DLGAP1: variants seen among roughly 807,000 people sequenced by gnomAD.
DLGAP1 encodes the protein DLG associated protein 1.
Under a neutral mutation model 90.8 loss-of-function variants are expected in DLGAP1, and 11 were observed. That is an observed-to-expected ratio of 0.12 (90% CI 0.08 to 0.20). The LOEUF is 0.20. DLGAP1 is among the 10% of genes least tolerant of loss of function. The pLI, the probability that DLGAP1 is intolerant of heterozygous loss-of-function variation, is 1.00. For synonymous variants in DLGAP1, 558 were observed against 540.7 expected, an observed-to-expected ratio of 1.03 and a Z score of -0.44; for missense variants, 1,050 against 1,333.8, an observed-to-expected ratio of 0.79 and a Z score of 3.31.
At chr18:4,382,691 A>G (rs900975940) in intron 1 of DLGAP1, among the ~76,000 whole-genome samples, 2 of 152,154 alleles carry the variant, frequency 1.3e-5, no homozygotes, top group Admixed American at 1.3e-4. Flanking sequence ...AAAGATAGGA[A>G]TGCTAATTCA....
At chr18:4,024,142 C>G (rs539652395) in intron 2 of DLGAP1, among the ~76,000 whole-genome samples, 90 of 152,188 alleles carry the variant, frequency 5.9e-4, no homozygotes, top group Non-Finnish European at 1.1e-3. Flanking sequence ...AAACTCCTCT[C>G]TTTGGTAATC....
intron 2 of DLGAP1, among the ~76,000 whole-genome samples, chr18:4,129,808 T>C (rs1440521112): frequency 6.6e-6 from 1 of 152,162 alleles, no homozygotes; most frequent in Non-Finnish European, 1.5e-5. Context: ...CTTGCTAAAA[T>C]AGTTAATTTG....
intron 3 of DLGAP1, among the ~76,000 whole-genome samples, chr18:3,895,280 TAC>T (rs35493688): frequency 0.081 from 11,102 of 137,040 alleles, 425 homozygotes; most frequent in Non-Finnish European, 0.09. Flanking sequence ...GGATGTTTAT[TAC>T]ACACACACAC....
chr18:4,259,355 C>A (rs1347383197), intron 1 of DLGAP1, among the ~76,000 whole-genome samples: 1 of 152,172 alleles, frequency 6.6e-6, no homozygotes, highest in Non-Finnish European at 1.5e-5. Context: ...AATAACTCCT[C>A]AAAAAGTCAT....
chr18:3,845,363 G>T, intron 4 of DLGAP1: 1 of 1,536,734 alleles, frequency 6.5e-7, no homozygotes. Flanking sequence ...CTAAGTGGTT[G>T]AGTGAGGCAG....
At chr18:3,659,415 A>ACACC in intron 7 of DLGAP1, among the ~76,000 whole-genome samples, 1 of 144,000 alleles carries the variant, frequency 6.9e-6, no homozygotes, top group African/African-American at 2.8e-5. Context: ...ACACACACAC[A>ACACC]CACACACACA....
chr18:3,721,325 G>T (rs1310295128), intron 7 of DLGAP1, among the ~76,000 whole-genome samples: 1 of 152,070 alleles, frequency 6.6e-6, no homozygotes, highest in Non-Finnish European at 1.5e-5. Context: ...CTTAATTTAC[G>T]CATGAGTTGG....
At chr18:4,035,643 CG>C (rs1728215339) in intron 2 of DLGAP1, among the ~76,000 whole-genome samples, 1 of 152,064 alleles carries the variant, frequency 6.6e-6, no homozygotes, top group Non-Finnish European at 1.5e-5. Flanking sequence ...GAAATAAATC[CG>C]TTGAGCTCAG....
At chr18:4,322,919 C>T (rs1167349906) in intron 1 of DLGAP1, among the ~76,000 whole-genome samples, 2 of 136,112 alleles carry the variant, frequency 1.5e-5, no homozygotes, top group Non-Finnish European at 3.0e-5. Flanking sequence ...TGAGTTTGTG[C>T]CACTGCACTC....
chr18:4,268,302 T>C (rs1343343546), intron 1 of DLGAP1, among the ~76,000 whole-genome samples: 3 of 152,178 alleles, frequency 2.0e-5, no homozygotes, highest in Non-Finnish European at 4.4e-5. Context: ...TTTTTGGAAA[T>C]TTCAAAAAGG....
chr18:4,293,205 A>G (rs1030815854), intron 1 of DLGAP1: 2 of 152,250 alleles, frequency 1.3e-5, no homozygotes, highest in Admixed American at 6.5e-5. Flanking sequence ...TCCGGTTCCA[A>G]TAATGAAGAA....
chr18:3,544,718 CT>C (rs2052910435), intron 9 of DLGAP1, among the ~76,000 whole-genome samples: 1 of 83,174 alleles, frequency 1.2e-5, no homozygotes, highest in Admixed American at 1.4e-4. Context: ...GTGTACTTTG[CT>C]TTTATTTATT....
In DLGAP1 at chr18:4,030,575, T is replaced by G. The variant is rs111307647; in HGVS notation, c.-158-25374A>C. On this transcript the variant is annotated intron_variant, in intron 2 of 12. Coordinates refer to ENST00000315677, the MANE Select transcript of DLGAP1 (RefSeq NM_004746.4). The stretch of plus-strand genomic sequence containing the variant: ...CTCTTGTTTTGGATTGAGTGAAGGT[T>G]GCCAAGTGGAGGTAGCTAGTTGGAA... Among the ~76,000 whole-genome samples the G allele has an allele frequency of 1.5e-4, 23 of 152,210 alleles. No homozygotes were observed. The South Asian group carries it at 1.7e-3, about 11-fold the overall frequency.
rs941178756 is a variant in DLGAP1 at position 3,637,948 on chromosome 18, T to A, written c.1592-55700A>T. Among the ~76,000 whole-genome samples, 7 of 143,410 alleles carry A rather than the reference T, an allele frequency of 4.9e-5. 1 individual carries two copies. In the South Asian group the frequency reaches 1.6e-3, roughly 32 times the overall value. 94.1% of individuals were successfully genotyped at this position (143,410 alleles called of 152,430 possible). A position where few individuals can be genotyped will look rare whatever the true frequency, so the allele number is the denominator to read the frequency against. On this transcript the variant is annotated intron_variant, in intron 7 of 12. Coordinates refer to ENST00000315677, the MANE Select transcript of DLGAP1 (RefSeq NM_004746.4). Reference sequence around the variant, plus strand: ...GTAGGTTTTTGTGCTAGGTAGCTTTTTTTTTTTTTTTTTTTTGAGACGGAG... The same window carrying A: ...GTAGGTTTTTGTGCTAGGTAGCTTTATTTTTTTTTTTTTTTTGAGACGGAG...
chr18:3,628,308 G>T (rs1028493749), intron 7 of DLGAP1, among the ~76,000 whole-genome samples: 1 of 150,248 alleles, frequency 6.7e-6, no homozygotes, highest in African/African-American at 2.5e-5. Context: ...TCCTATTTCA[G>T]CCTCCCAAGT....
chr18:4,331,637 C>T (rs1177949024), intron 1 of DLGAP1, among the ~76,000 whole-genome samples: 2 of 151,786 alleles, frequency 1.3e-5, no homozygotes, highest in Non-Finnish European at 2.9e-5. Flanking sequence ...CTCCCCATGA[C>T]CAAGAAGCCC....
intron 1 of DLGAP1, among the ~76,000 whole-genome samples, chr18:4,290,648 G>C (rs1166043596): frequency 2.0e-5 from 3 of 152,158 alleles, no homozygotes; most frequent in African/African-American, 7.2e-5. Context: ...GATTTAAATT[G>C]TTGATTAAAG....
rs551671328 is a variant in DLGAP1, at chr18:3,522,902, A to C, written c.2479+11292T>G. The stretch of plus-strand genomic sequence containing the variant: ...GATACAATGGGAAAAGGATAGCCTA[A>C]GTGTAGGACCAGAAACCACACAACT... On this transcript the variant is annotated intron_variant, in intron 10 of 12. Coordinates refer to ENST00000315677, the MANE Select transcript of DLGAP1 (RefSeq NM_004746.4). 5.6e-4 allele frequency among the ~76,000 whole-genome samples: 86 copies of C among 152,298 alleles called. 1 individual carries two copies. Among genetic ancestry groups the C allele is most frequent in the African/African-American group, 2.0e-3 (82 of 41,578 alleles).
intron 3 of DLGAP1, among the ~76,000 whole-genome samples, chr18:3,916,922 A>AT (rs560670740): frequency 3.5e-4 from 54 of 152,280 alleles, no homozygotes; most frequent in African/African-American, 1.2e-3. Flanking sequence ...TTGGTGTAGG[A>AT]TTTTTTTGAC....
Sources: allele counts gnomAD v4.1 joint callset (sites outside exome capture counted in the v4.1 genomes callset), GRCh38; gene constraint gnomAD v4.1.1; transcripts MANE v1.5; gene names NCBI Gene and HGNC (gene_info 2026-07-23, HGNC 2026-07-21).